Variants in RARB observed in about 807,000 individuals in gnomAD.
The protein encoded by RARB is HBV-activated protein.
A neutral mutation model predicts 51.9 loss-of-function variants in RARB; 17 were observed. The observed-to-expected ratio is 0.33, with a 90% CI of 0.22 to 0.49. The LOEUF is 0.49. Ranked by LOEUF, RARB falls within the 20% of genes least tolerant of loss-of-function variation. The pLI is 0.99. For synonymous variants in RARB, 215 were observed against 195.4 expected (o/e 1.10, Z -0.84); for missense variants, 369 against 550.8 (o/e 0.67, Z 3.30).
At chr3:25,235,115 T>C (rs1212412088) in intron 5 of RARB, among the ~76,000 whole-genome samples, 1 of 152,200 alleles carries the variant, frequency 6.6e-6, no homozygotes, top group African/African-American at 2.4e-5. Flanking sequence ...CACAGGCCAC[T>C]AAGCTTATCC....
At chr3:25,149,130 C>T (rs2125340658) in intron 4 of RARB, among the ~76,000 whole-genome samples, 2 of 152,226 alleles carry the variant, frequency 1.3e-5, no homozygotes, top group East Asian at 3.9e-4. Flanking sequence ...TAATTACCAC[C>T]CATACACATT....
At chr3:25,260,561 A>G (rs1165626744) in intron 5 of RARB, among the ~76,000 whole-genome samples, 1 of 152,124 alleles carries the variant, frequency 6.6e-6, no homozygotes, top group African/African-American at 2.4e-5. Flanking sequence ...GAGTAGAAAC[A>G]AATCAGAATT....
chr3:25,000,209 T>A (rs1178893505), intron 2 of RARB, among the ~76,000 whole-genome samples: 1 of 152,168 alleles, frequency 6.6e-6, no homozygotes, highest in Non-Finnish European at 1.5e-5. Context: ...TTCTGGTAGT[T>A]CCATCAGTTT....
chr3:24,886,795 T>C (rs10510552), intron 2 of RARB, among the ~76,000 whole-genome samples: 56,672 of 152,000 alleles, frequency 0.37, 12,784 homozygotes, highest in Non-Finnish European at 0.5. Context: ...GCTAATGATA[T>C]CTGTAAAGGC....
intron 5 of RARB, among the ~76,000 whole-genome samples, chr3:25,412,617 T>C (rs1312807883): frequency 2.0e-5 from 3 of 152,244 alleles, no homozygotes; most frequent in Non-Finnish European, 4.4e-5. Context: ...CTAAAGACTT[T>C]TATTGAAATA....
chr3:24,999,135 G>T (rs1697105175), intron 2 of RARB, among the ~76,000 whole-genome samples: 1 of 152,060 alleles, frequency 6.6e-6, no homozygotes, highest in South Asian at 2.1e-4. Context: ...AGATAAACAG[G>T]CACCAATTTC....
At chr3:24,912,171 T>A (rs1218866053) in intron 2 of RARB, among the ~76,000 whole-genome samples, 1 of 152,162 alleles carries the variant, frequency 6.6e-6, no homozygotes, top group Non-Finnish European at 1.5e-5. Context: ...GAATGAGGGC[T>A]ATGACGAGGC....
intron 5 of RARB, among the ~76,000 whole-genome samples, chr3:25,363,878 C>G (rs1706030019): frequency 6.6e-6 from 1 of 152,186 alleles, no homozygotes; most frequent in Non-Finnish European, 1.5e-5. Context: ...CTTTGCTGTT[C>G]CTCTTACATG....
At chr3:25,416,111 G>C (rs533377014) in intron 5 of RARB, among the ~76,000 whole-genome samples, 29 of 152,196 alleles carry the variant, frequency 1.9e-4, no homozygotes, top group African/African-American at 6.8e-4. Flanking sequence ...CTAAGCAAAG[G>C]CTGGGTGTAG....
In RARB at chr3:25,519,378, T is replaced by C. The variant is rs1698308332; in HGVS notation, c.448+18055T>C. The stretch of plus-strand genomic sequence containing the variant: ...GGTTATTCTACCTGCCATTTTACCC[T>C]CCATCAGCAGTGTATGGGAATTCCA... On this transcript the variant is annotated intron_variant, in intron 3 of 7. Transcript: ENST00000330688. Among the ~76,000 whole-genome samples, 3 of 152,162 alleles carry C rather than the reference T, an allele frequency of 2.0e-5. No homozygotes were observed. The South Asian group carries it at 6.2e-4, about 32-fold the overall frequency.
chr3:24,927,176 T>G (rs1695337907), intron 2 of RARB, among the ~76,000 whole-genome samples: 1 of 152,132 alleles, frequency 6.6e-6, no homozygotes, highest in South Asian at 2.1e-4. Flanking sequence ...TCCAATAAAT[T>G]TGTTATTCAG....
Position 25,473,925 on chromosome 3 carries a change from A to AAAAAAAAAAAC in RARB, c.306+12592_306+12593insAACAAAAAAAA, listed in dbSNP as rs763479260. On this transcript the variant is annotated intron_variant, in intron 2 of 7. Coordinates refer to ENST00000330688, the MANE Select transcript of RARB (RefSeq NM_000965.5). ...GGTATTTTCTATGTCTGGCAGGAAA[A>AAAAAAAAAAAC]AAAAAAAACCTTTATCTTGGCTGCA... is the stretch of plus-strand genomic sequence containing the variant. Among the ~76,000 whole-genome samples the AAAAAAAAAAAC allele has an allele frequency of 9.5e-3, 1,430 of 150,486 alleles. 111 individuals are homozygous for AAAAAAAAAAAC. The East Asian group carries it at 0.17, about 18-fold the overall frequency.
rs115226180 is a variant in RARB, at chr3:25,577,445, T to C, written c.610-3101T>C. Among the ~76,000 whole-genome samples the C allele has an allele frequency of 1.4e-3, 218 of 152,226 alleles. 2 individuals carry two copies. In the Middle Eastern group the frequency reaches 0.027, roughly 19 times the overall value. ...GTGGGTGACAGGGATGGTCTGCAAA[T>C]TGAACTTGAAAGGACATCAGTCTCC... On this transcript the variant is annotated intron_variant, in intron 4 of 7. Transcript: ENST00000330688.
intron 2 of RARB, among the ~76,000 whole-genome samples, chr3:25,047,184 C>A (rs966421445): frequency 6.6e-6 from 1 of 152,100 alleles, no homozygotes; most frequent in African/African-American, 2.4e-5. Flanking sequence ...TTATTGCTAT[C>A]CATTGGGTAA....
chr3:25,039,169 A>AT (rs1344078507), intron 2 of RARB, among the ~76,000 whole-genome samples: 1 of 152,176 alleles, frequency 6.6e-6, no homozygotes. Context: ...CACATATCCT[A>AT]TTTCATACAC....
At chr3:25,007,459 C>T (rs140990132) in intron 2 of RARB, among the ~76,000 whole-genome samples, 4 of 151,692 alleles carry the variant, frequency 2.6e-5, no homozygotes, top group African/African-American at 9.7e-5. Context: ...AACCCCATCT[C>T]TACTAAAAAA....
intron 2 of RARB, among the ~76,000 whole-genome samples, chr3:25,026,461 G>A (rs149881449): frequency 3.1e-3 from 470 of 152,282 alleles, no homozygotes; most frequent in Middle Eastern, 0.017. Context: ...TTCTTGCCAT[G>A]TGCTCACGTG....
intron 3 of RARB, among the ~76,000 whole-genome samples, chr3:25,513,773 C>T (rs1334571398): frequency 6.6e-6 from 1 of 151,860 alleles, no homozygotes; most frequent in Admixed American, 6.6e-5. Context: ...CCAAGACACA[C>T]TCAGATTGTA....
rs113630736 is a variant in RARB, at chr3:25,539,826, C to G, written c.449-29932C>G. 7.6e-4 allele frequency among the ~76,000 whole-genome samples: 116 copies of G among 152,116 alleles called. 2 individuals are homozygous for G. The highest frequency in any genetic ancestry group is 2.6e-3 in the African/African-American group (108 of 41,472). On this transcript the variant is annotated intron_variant, in intron 3 of 7. Transcript: ENST00000330688. ...TCACATTGATGTCTTATACAATTGA[C>G]TCTTAAACAATATTAGTTTGAACTG...
Sources: gnomAD v4.1 joint callset for allele counts (sites outside exome capture counted in the v4.1 genomes callset) on GRCh38, gnomAD v4.1.1 for gene constraint, MANE v1.5 for transcripts, NCBI Gene and HGNC (gene_info 2026-07-23, HGNC 2026-07-21) for gene names.